Variants in ESR1 observed in about 807,000 individuals in gnomAD.
The protein encoded by ESR1 is estrogen receptor.
A neutral mutation model predicts 52.7 loss-of-function variants in ESR1; 12 were observed. That is an observed-to-expected ratio of 0.23 (90% CI 0.15 to 0.37). The LOEUF (loss-of-function observed/expected upper bound fraction) is 0.37. Ranked by LOEUF, ESR1 falls within the 10% of genes least tolerant of loss-of-function variation. The probability of loss-of-function intolerance (pLI) is 1.00; values close to 1 mark genes in which losing one functional copy is unlikely to be tolerated. For synonymous variants in ESR1, 305 were observed against 316.8 expected (o/e 0.96, Z 0.39); for missense variants, 584 against 779.7 (o/e 0.75, Z 2.99).
Position 151,984,758 on chromosome 6 carries a change from C to A in ESR1, c.1097-26898C>A, listed in dbSNP as rs1397938955. ...ATGACCCTTGTTTCTACAAAGTAATCTCTACTCATGCTGAAATCTCAGACA... is the reference window on the plus strand; with the variant it reads ...ATGACCCTTGTTTCTACAAAGTAATATCTACTCATGCTGAAATCTCAGACA... On this transcript the variant is annotated intron_variant, in intron 4 of 7. Coordinates refer to ENST00000206249, the MANE Select transcript of ESR1 (RefSeq NM_000125.4). 1.3e-5 allele frequency among the ~76,000 whole-genome samples: 2 copies of A among 152,092 alleles called. 1 individual carries two copies. The highest frequency in any genetic ancestry group is 4.8e-5 in the African/African-American group (2 of 41,374).
intron 3 of ESR1, among the ~76,000 whole-genome samples, chr6:151,909,565 A>G (rs1221718408): frequency 6.6e-6 from 1 of 152,234 alleles, no homozygotes; most frequent in Non-Finnish European, 1.5e-5. Flanking sequence ...ATGTCTGACT[A>G]TAAAGGATGG....
intron 2 of ESR1, among the ~76,000 whole-genome samples, chr6:151,769,492 T>A (rs1785335546): frequency 6.6e-6 from 1 of 151,770 alleles, no homozygotes; most frequent in Admixed American, 6.6e-5. Flanking sequence ...TAAAGTGGAG[T>A]GAATGGTGAG....
intron 4 of ESR1, among the ~76,000 whole-genome samples, chr6:151,988,835 TC>T (rs2040756570): frequency 6.6e-6 from 1 of 152,104 alleles, no homozygotes; most frequent in Non-Finnish European, 1.5e-5. Context: ...GAAAAAAATA[TC>T]TTTTTTCTTT....
chr6:151,714,435 G>T (rs1780863379), intron 2 of ESR1, among the ~76,000 whole-genome samples: 3 of 152,104 alleles, frequency 2.0e-5, no homozygotes, highest in South Asian at 2.1e-4. Context: ...TGACAGTGGG[G>T]TGTTAAAGTC....
chr6:152,000,928 G>A (rs1365945927), intron 4 of ESR1, among the ~76,000 whole-genome samples: 4 of 151,988 alleles, frequency 2.6e-5, no homozygotes, highest in Non-Finnish European at 4.4e-5. Context: ...CCATTTTGTA[G>A]TGCTTGATTA....
chr6:151,888,979 G>C (rs919096465), intron 3 of ESR1, among the ~76,000 whole-genome samples: 9 of 152,042 alleles, frequency 5.9e-5, no homozygotes, highest in African/African-American at 2.2e-4. Context: ...TTATAGATTT[G>C]CATATGTTGA....
At chr6:151,810,774 G>A (rs77828567) in intron 1 of ESR1, among the ~76,000 whole-genome samples, 2,776 of 152,296 alleles carry the variant, frequency 0.018, 79 homozygotes, top group African/African-American at 0.063. Context: ...TGATTGTGAT[G>A]TAAAATGTAT....
intron 2 of ESR1, among the ~76,000 whole-genome samples, chr6:151,852,446 T>A (rs959269234): frequency 4.6e-5 from 7 of 152,126 alleles, no homozygotes; most frequent in Non-Finnish European, 8.8e-5. Context: ...ACACTCTTAT[T>A]ATAAAAAGTG....
At chr6:152,121,861 A>AAAG (rs1476515418) in intron 6 of ESR1, 1 of 154,370 alleles carries the variant, frequency 6.5e-6, no homozygotes, top group African/African-American at 2.4e-5. Flanking sequence ...CCTCTAAAAA[A>AAAG]AAGTGCCTTT....
intron 4 of ESR1, among the ~76,000 whole-genome samples, chr6:151,979,720 T>G (rs975101613): frequency 2.0e-5 from 3 of 152,186 alleles, no homozygotes; most frequent in Non-Finnish European, 4.4e-5. Flanking sequence ...TGGGTAAATA[T>G]TCCTCCTTTT....
At chr6:151,940,354 A>G (rs1203096755) in intron 3 of ESR1, among the ~76,000 whole-genome samples, 1 of 152,204 alleles carries the variant, frequency 6.6e-6, no homozygotes, top group African/African-American at 2.4e-5. Flanking sequence ...ATATCAGTAC[A>G]TTAAAGAAAA....
chr6:152,098,656 C>T lies in ESR1; in HGVS notation c.1554-76C>T. Reference sequence around the variant, plus strand: ...GTGTCTTTGGAGTTCCTCTTCCTTCCCCTTCTAGGGATTTCAGCACTCCTG... The same window carrying T: ...GTGTCTTTGGAGTTCCTCTTCCTTCTCCTTCTAGGGATTTCAGCACTCCTG... On this transcript the variant is annotated intron_variant, in intron 7 of 7. Coordinates refer to ENST00000206249, the MANE Select transcript of ESR1 (RefSeq NM_000125.4). The surrounding 1 kb of genome is among the most constrained non-coding windows in gnomAD (Gnocchi z 5.1). 8.5e-7 allele frequency: 1 copy of T among 1,173,792 alleles called. No homozygotes were observed. Among genetic ancestry groups the T allele is most frequent in the Non-Finnish European group, 1.3e-6 (1 of 795,926 alleles). The allele number at this position is 1,173,792 out of a possible 1,614,324, so 72.7% of individuals were successfully genotyped here.
intron 6 of ESR1, among the ~76,000 whole-genome samples, chr6:152,109,991 C>T (rs927279364): frequency 6.6e-6 from 1 of 152,214 alleles, no homozygotes; most frequent in Non-Finnish European, 1.5e-5. Context: ...CATTCATACA[C>T]ACAAAAGCTA....
At chr6:151,943,543 G>T (rs1008536999) in intron 3 of ESR1, among the ~76,000 whole-genome samples, 4 of 152,074 alleles carry the variant, frequency 2.6e-5, no homozygotes, top group African/African-American at 9.7e-5. Flanking sequence ...GGGACTTGGG[G>T]CAATCCTAGG....
chr6:152,061,200 C>T lies in ESR1; in HGVS notation c.1369+76C>T, dbSNP rs2047514453. On this transcript the variant is annotated intron_variant, in intron 6 of 7. Transcript: ENST00000206249. The surrounding 1 kb of genome is among the most constrained non-coding windows in gnomAD (Gnocchi z 4.3). The stretch of plus-strand genomic sequence containing the variant: ...AGTTTTCAACCAGATACGATCTACC[C>T]ACTCCAAAGGCATAATGTCATAAAT... The T allele has an allele frequency of 7.2e-7, 1 of 1,383,602 alleles. No individual in the cohort carries two copies. The highest frequency in any genetic ancestry group is 1.0e-6 in the Non-Finnish European group (1 of 974,062). 85.7% of individuals were successfully genotyped at this position (1,383,602 alleles called of 1,614,324 possible). A position where few individuals can be genotyped will look rare whatever the true frequency, so the allele number is the denominator to read the frequency against.
intron 4 of ESR1, among the ~76,000 whole-genome samples, chr6:151,994,104 G>T (rs1161336059): frequency 6.6e-6 from 1 of 152,154 alleles, no homozygotes; most frequent in Non-Finnish European, 1.5e-5. Flanking sequence ...GAGTTACAGA[G>T]ATGGTAAATA....
At chr6:151,661,690 A>C (rs796334972) in intron 1 of ESR1, among the ~76,000 whole-genome samples, 2 of 152,262 alleles carry the variant, frequency 1.3e-5, no homozygotes, top group African/African-American at 4.8e-5. Context: ...TGTGATCCCC[A>C]CATGTCCAGG....
chr6:152,096,321 G>A (rs1475937430), intron 7 of ESR1, among the ~76,000 whole-genome samples: 1 of 152,124 alleles, frequency 6.6e-6, no homozygotes, highest in East Asian at 1.9e-4. Context: ...TAAGGAGGTT[G>A]GATTCGATCA....
chr6:151,689,352 T>A (rs1778811292), upstream of ESR1, among the ~76,000 whole-genome samples: 1 of 152,358 alleles, frequency 6.6e-6, no homozygotes, highest in Non-Finnish European at 1.5e-5. Context: ...AATGCGTTAG[T>A]ATACATGATT....
Sources: allele counts gnomAD v4.1 joint callset (sites outside exome capture counted in the v4.1 genomes callset), GRCh38; gene constraint gnomAD v4.1.1; non-coding constraint Gnocchi (gnomAD v3.1); transcripts MANE v1.5; gene names NCBI Gene and HGNC (gene_info 2026-07-23, HGNC 2026-07-21).